Variants in KCNH3 observed in about 807,000 individuals in gnomAD.
KCNH3 encodes the protein potassium voltage-gated channel subfamily H member 3, also known as voltage-gated inwardly rectifying potassium channel KCNH3.
A neutral mutation model predicts 95.6 loss-of-function variants in KCNH3; 36 were observed. The ratio of observed to expected loss-of-function variants is 0.38; its 90% CI spans 0.29 to 0.50. The LOEUF is 0.50. Among genes scored for constraint, KCNH3 ranks in the 20% least tolerant of loss-of-function variants. The pLI is 0.95. For missense variants in KCNH3, 1,030 were observed against 1,484.1 expected, an observed-to-expected ratio of 0.69 and a Z score of 5.03; for synonymous variants, 620 against 646.3, an observed-to-expected ratio of 0.96 and a Z score of 0.62.
At chr12:49,550,956 G>A (rs1441740193) in intron 10 of KCNH3, among the ~76,000 whole-genome samples, 1 of 152,202 alleles carries the variant, frequency 6.6e-6, no homozygotes, top group African/African-American at 2.4e-5. Flanking sequence ...TGATAACAGG[G>A]GGCTCACAGC....
Position 49,554,591 on chromosome 12 carries a change from G to T in KCNH3, c.2136+37G>T, listed in dbSNP as rs371103640. 77 of 1,556,606 alleles carry T rather than the reference G, an allele frequency of 4.9e-5. No homozygotes were observed. In the African/African-American group the frequency reaches 1.0e-3, roughly 20 times the overall value. The stretch of plus-strand genomic sequence containing the variant: ...GAGTATGTGCTTGGAGGGGATGGGG[G>T]TGCCAGGGAGCCTGGTGAAGTGGGC... On this transcript the variant is annotated intron_variant, in intron 11 of 14. Transcript: ENST00000257981.
intron 7 of KCNH3, among the ~76,000 whole-genome samples, chr12:49,548,469 T>C (rs1159097445): frequency 6.6e-6 from 1 of 151,664 alleles, no homozygotes; most frequent in Non-Finnish European, 1.5e-5. Flanking sequence ...CCTTCTGGAG[T>C]TGATGGGCTC....
At chr12:49,549,288 G>A in intron 8 of KCNH3, 115 bp downstream of exon 8, 2 of 1,458,228 alleles carry the variant, frequency 1.4e-6, no homozygotes, top group Admixed American at 2.1e-5. Context: ...TTAGGTGGCC[G>A]CGGAACCCGA....
intron 10 of KCNH3, among the ~76,000 whole-genome samples, chr12:49,551,418 A>T (rs541226877): frequency 2.3e-4 from 35 of 152,154 alleles, no homozygotes; most frequent in African/African-American, 8.2e-4. Flanking sequence ...TCTACTAAAA[A>T]TACAAAAATT....
rs1457233189 is a variant in KCNH3 at position 49,555,720 on chromosome 12, C to T, written c.2237C>T (p.Ala746Val). ...EQGPTVSPAP[A>V]DEPSSPLLSP... is the part of the protein sequence containing the mutation. ...GGCCCCACGGTCTCCCCAGCCCCAG[C>T]TGATGAGCCCTCCAGCCCCCTGCTG... Residue 746 changes from alanine to valine, a missense_variant, in exon 12 of 15, where the codon GCT becomes GTT. Ala to Val is a moderately conservative substitution (Grantham distance 64). Coordinates refer to ENST00000257981, the MANE Select transcript of KCNH3 (RefSeq NM_012284.3). 1.2e-6 allele frequency: 2 copies of T among 1,612,960 alleles called. No homozygotes were observed. The highest frequency in any genetic ancestry group is 3.3e-5 in the Admixed American group (2 of 59,928).
At chr12:49,555,534 C>G in intron 11 of KCNH3, 86 bp from the exon 12 acceptor site, 1 of 777,590 alleles carries the variant, frequency 1.3e-6, no homozygotes, top group South Asian at 2.2e-5. Context: ...TCATCCCTTC[C>G]AGGGTAGATG....
Position 49,542,812 on chromosome 12 carries a change from G to T in KCNH3, c.552G>T (p.Gln184His), listed in dbSNP as rs868447157. ...LYHLSGHLQK[Q>H]PKGKHKLNKG... ...ACCTGTCCGGGCACCTGCAGAAGCAGCCCAAGGGCAAGCACAAGCTCAATA... is the reference window on the plus strand; with the variant it reads ...ACCTGTCCGGGCACCTGCAGAAGCATCCCAAGGGCAAGCACAAGCTCAATA... Residue 184 changes from glutamine (Q) to histidine (H), a missense_variant, in exon 4 of 15, where the codon CAG becomes CAT. Physicochemically the swap from Gln to His is conservative, Grantham distance 24. Around this residue, in one of 9 missense-constraint regions of KCNH3, gnomAD observed 92 missense variants for 92.7 expected, o/e 0.99. Transcript: ENST00000257981. The T allele has an allele frequency of 1.9e-6, 3 of 1,605,350 alleles. No homozygotes were observed. In the Admixed American group the frequency reaches 5.1e-5, roughly 28 times the overall value.
Position 49,558,313 on chromosome 12 carries a change from G to T in KCNH3, c.*360G>T, listed in dbSNP as rs1016717583. On this transcript the variant is annotated 3_prime_UTR_variant, in exon 15 of 15. Transcript: ENST00000257981. Reference sequence around the variant, plus strand: ...ATAAAATAAACTACTTTGGAACCTGGTGCTTTTTATTTACAAAAGAAAAAC... The same window carrying T: ...ATAAAATAAACTACTTTGGAACCTGTTGCTTTTTATTTACAAAAGAAAAAC... 4.5e-5 allele frequency: 18 copies of T among 403,976 alleles called. No individual in the cohort carries two copies. Among genetic ancestry groups the T allele is most frequent in the African/African-American group, 3.3e-4 (16 of 48,638 alleles). 25.0% of individuals were successfully genotyped at this position (403,976 alleles called of 1,614,324 possible). A position where few individuals can be genotyped will look rare whatever the true frequency, so the allele number is the denominator to read the frequency against.
At chr12:49,550,899 A>G (rs1007655675) in intron 10 of KCNH3, among the ~76,000 whole-genome samples, 1 of 152,222 alleles carries the variant, frequency 6.6e-6, no homozygotes, top group African/African-American at 2.4e-5. Context: ...AGTTCCCTAG[A>G]CGCAGATGAA....
rs1228463802 is a variant in KCNH3 at position 49,549,768 on chromosome 12, G to A, written c.1668+128G>A. 2.5e-5 allele frequency: 23 copies of A among 924,502 alleles called. No homozygotes were observed. In the South Asian group the frequency reaches 3.4e-4, roughly 14 times the overall value. 57.3% of individuals were successfully genotyped at this position (924,502 alleles called of 1,614,324 possible). On this transcript the variant is annotated intron_variant, in intron 9 of 14. Coordinates refer to ENST00000257981, the MANE Select transcript of KCNH3 (RefSeq NM_012284.3). ...CCCTGTGCCTCCCTTCTCTCTTGAG[G>A]GGACAGCGGCATGGGACAGAGGGCA...
chr12:49,545,378 T>C (rs532953020), intron 7 of KCNH3, among the ~76,000 whole-genome samples: 2 of 151,802 alleles, frequency 1.3e-5, no homozygotes, highest in Admixed American at 1.3e-4. Flanking sequence ...AACTGACATT[T>C]AGCCGGGTTT....
In KCNH3 at chr12:49,554,566, G is replaced by C; in HGVS notation, c.2136+12G>C. The C allele has an allele frequency of 1.2e-6, 2 of 1,604,074 alleles. No homozygotes were observed. On this transcript the variant is annotated intron_variant, in intron 11 of 14. Transcript: ENST00000257981. ...GAGGCTCTGCAGAGGTGAGTGTGCT[G>C]AGTATGTGCTTGGAGGGGATGGGGG...
chr12:49,541,876 C>A, intron 3 of KCNH3, 112 bp downstream of exon 3: 3 of 1,142,246 alleles, frequency 2.6e-6, no homozygotes, highest in Non-Finnish European at 3.8e-6. Context: ...TCATTTCACT[C>A]CCACTCAGGC....
At chr12:49,543,202 C>G in intron 4 of KCNH3, 73 bp from the exon 5 acceptor site, 1 of 1,523,932 alleles carries the variant, frequency 6.6e-7, no homozygotes, top group Non-Finnish European at 8.9e-7. Context: ...GGATGCGGGT[C>G]CCAGACTCTA....
chr12:49,555,497 G>T, intron 11 of KCNH3, 123 bp from the exon 12 acceptor site: 1 of 524,234 alleles, frequency 1.9e-6, no homozygotes, highest in Non-Finnish European at 3.4e-6. Context: ...AGTTAGAATA[G>T]ATGTTGGCTA....
chr12:49,541,981 A>T (rs567639861), intron 3 of KCNH3, among the ~76,000 whole-genome samples: 2 of 152,352 alleles, frequency 1.3e-5, no homozygotes, highest in Admixed American at 1.3e-4. Context: ...GGAGTTTTTA[A>T]GTCAACTTTA....
chr12:49,545,432 A>G (rs1373601445), intron 7 of KCNH3, among the ~76,000 whole-genome samples: 3 of 119,264 alleles, frequency 2.5e-5, no homozygotes, highest in African/African-American at 3.4e-5. Flanking sequence ...TTGAGCTGTC[A>G]CTCAGGCTGG....
intron 5 of KCNH3, 101 bp downstream of exon 5, chr12:49,543,619 GCT>G (rs1372619692): frequency 4.2e-6 from 6 of 1,438,154 alleles, no homozygotes; most frequent in African/African-American, 2.8e-5. Flanking sequence ...TGCCCCCCTC[GCT>G]CTCTCTCATT....
At chr12:49,551,395 G>A (rs1239519345) in intron 10 of KCNH3, among the ~76,000 whole-genome samples, 1 of 152,040 alleles carries the variant, frequency 6.6e-6, no homozygotes, top group African/African-American at 2.4e-5. Context: ...GGCCAACGTG[G>A]TGAAATCCTG....
Sources: allele counts gnomAD v4.1 joint callset (sites outside exome capture counted in the v4.1 genomes callset), GRCh38; gene constraint gnomAD v4.1.1; regional missense constraint gnomAD v4.1.1; transcripts MANE v1.5; gene names NCBI Gene and HGNC (gene_info 2026-07-23, HGNC 2026-07-21).